Variants in PCDHA13 observed in about 807,000 individuals in gnomAD.
PCDHA13 encodes the protein protocadherin alpha 13.
In PCDHA13, 54 loss-of-function variants were observed where a neutral mutation model predicts 64.8. The observed-to-expected ratio is 0.83, with a 90% CI of 0.67 to 1.04. PCDHA13 has a LOEUF of 1.04. Ranked by LOEUF, PCDHA13 falls within the 50% of genes least tolerant of loss-of-function variation. The pLI is 0.00. For missense variants in PCDHA13, 1,248 were observed against 1,254.3 expected (o/e 0.99, Z 0.08); for synonymous variants, 587 against 564.4 (o/e 1.04, Z -0.57).
intron 3 of PCDHA13, among the ~76,000 whole-genome samples, chr5:140,990,426 G>A (rs3756324): frequency 0.3 from 46,292 of 152,022 alleles, 7,253 homozygotes; most frequent in East Asian, 0.43. Flanking sequence ...AACCAGCATT[G>A]ACCCAATCTT....
At chr5:140,885,543 G>A (rs1554182177) in intron 1 of PCDHA13, among the ~76,000 whole-genome samples, 2 of 152,092 alleles carry the variant, frequency 1.3e-5, no homozygotes, top group Non-Finnish European at 2.9e-5. Flanking sequence ...CAAAATATTG[G>A]TGTTATTTCT....
At chr5:140,963,531 TTTAC>T (rs1391697303) in intron 1 of PCDHA13, among the ~76,000 whole-genome samples, 2 of 152,218 alleles carry the variant, frequency 1.3e-5, no homozygotes, top group African/African-American at 4.8e-5. Flanking sequence ...AGAAGTCCCA[TTTAC>T]TTCATGATAT....
intron 1 of PCDHA13, chr5:140,929,202 G>T (rs2085922750): frequency 1.2e-6 from 2 of 1,613,984 alleles, no homozygotes; most frequent in African/African-American, 1.3e-5. Context: ...ACAGTTTGCT[G>T]TTGCGTGGGG....
In PCDHA13 at chr5:140,945,883, GAA is replaced by G. The variant is rs2093856247; in HGVS notation, c.2395-33063_2395-33062del. On this transcript the variant is annotated intron_variant, in intron 1 of 3. Transcript: ENST00000289272. ...GACCTGAAATTGTAAAACTAACAAA[GAA>G]AACACAGTGGGAAAGATGAAAGATC... Among the ~76,000 whole-genome samples the G allele has an allele frequency of 2.6e-5, 4 of 152,104 alleles. No homozygotes were observed. The South Asian group carries it at 8.3e-4, about 32-fold the overall frequency.
At chr5:140,907,229 A>C (rs1562959472) in intron 1 of PCDHA13, among the ~76,000 whole-genome samples, 1 of 152,180 alleles carries the variant, frequency 6.6e-6, no homozygotes, top group Non-Finnish European at 1.5e-5. Flanking sequence ...AAGTATTGTC[A>C]CCTAGTTGAC....
chr5:140,967,870 G>A (rs782622860), intron 1 of PCDHA13: 31 of 1,614,152 alleles, frequency 1.9e-5, no homozygotes, highest in Non-Finnish European at 2.5e-5. Flanking sequence ...TGGTGCTCAC[G>A]GACCTGTATA....
At chr5:140,887,539 C>T in intron 1 of PCDHA13, among the ~76,000 whole-genome samples, 1 of 152,082 alleles carries the variant, frequency 6.6e-6, no homozygotes, top group East Asian at 1.9e-4. Flanking sequence ...CCTCTCCCCA[C>T]CCCTCATGGT....
intron 1 of PCDHA13, among the ~76,000 whole-genome samples, chr5:140,890,753 C>A (rs1274674281): frequency 3.3e-5 from 5 of 152,114 alleles, no homozygotes; most frequent in Admixed American, 2.6e-4. Flanking sequence ...TTCTGTCATG[C>A]TTTAAAAATA....
chr5:140,986,897 T>A (rs534075146), intron 3 of PCDHA13, among the ~76,000 whole-genome samples: 13 of 152,086 alleles, frequency 8.5e-5, no homozygotes, highest in Non-Finnish European at 1.9e-4. Flanking sequence ...TTAGGCCCTA[T>A]CCTAGACTAA....
chr5:141,003,623 G>C (rs572368614), intron 3 of PCDHA13, among the ~76,000 whole-genome samples: 1 of 152,240 alleles, frequency 6.6e-6, no homozygotes, highest in East Asian at 1.9e-4. Flanking sequence ...CCAGAGGGCA[G>C]TTTTTAAAGT....
At chr5:140,929,555 C>A in intron 1 of PCDHA13, 1 of 485,752 alleles carries the variant, frequency 2.1e-6, no homozygotes, top group Non-Finnish European at 3.5e-6. Context: ...AAATTAAAAC[C>A]TATTTAAGAA....
chr5:140,921,941 A>G (rs1294349868), intron 1 of PCDHA13, among the ~76,000 whole-genome samples: 1 of 152,068 alleles, frequency 6.6e-6, no homozygotes, highest in Non-Finnish European at 1.5e-5. Context: ...ATAATTTTAC[A>G]CTTGTAAAAT....
chr5:140,926,215 C>T (rs2083014396), intron 1 of PCDHA13, among the ~76,000 whole-genome samples: 1 of 152,170 alleles, frequency 6.6e-6, no homozygotes, highest in Non-Finnish European at 1.5e-5. Flanking sequence ...CTCCTGTTTC[C>T]TTAAGCCTAG....
In PCDHA13 at chr5:140,882,793, C is replaced by A. The variant is rs1176435531; in HGVS notation, c.525C>A (p.Asn175Lys). 2.5e-6 allele frequency: 4 copies of A among 1,614,092 alleles called. No individual in the cohort carries two copies. In the Admixed American group the frequency reaches 6.7e-5, roughly 27 times the overall value. Residue 175 changes from asparagine (N) to lysine (K), a missense_variant, in exon 1 of 4, where the codon AAC (asparagine) becomes AAA (lysine). Coordinates refer to ENST00000289272, the MANE Select transcript of PCDHA13 (RefSeq NM_018904.3). ...CATTGACCTACCGACTGGATCCCAA[C>A]GATTATTTCACTTTGGACGCACAAA... is the stretch of plus-strand genomic sequence containing the variant. ...NSALTYRLDP[N>K]DYFTLDAQNS...
At chr5:140,969,178 C>G (rs2096303822) in intron 1 of PCDHA13, 1 of 1,613,978 alleles carries the variant, frequency 6.2e-7, no homozygotes, top group South Asian at 1.1e-5. Flanking sequence ...CAGGGAGTGA[C>G]ACTTTCATGT....
At chr5:140,979,564 A>G (rs1267870261) in intron 2 of PCDHA13, among the ~76,000 whole-genome samples, 2 of 152,222 alleles carry the variant, frequency 1.3e-5, no homozygotes, top group Non-Finnish European at 2.9e-5. Context: ...AAGATGAGCC[A>G]TGTAAAGGGC....
At chr5:140,943,688 G>A (rs2093547294) in intron 1 of PCDHA13, among the ~76,000 whole-genome samples, 1 of 152,170 alleles carries the variant, frequency 6.6e-6, no homozygotes. Context: ...AAGGGATAAG[G>A]TCAAAATATT....
At chr5:140,924,837 G>A (rs1310509638) in intron 1 of PCDHA13, among the ~76,000 whole-genome samples, 2 of 151,426 alleles carry the variant, frequency 1.3e-5, no homozygotes, top group African/African-American at 4.9e-5. Flanking sequence ...GGAGGTTGCA[G>A]GGAGCTCAGA....
chr5:140,949,313 A>G (rs989940621), intron 1 of PCDHA13, among the ~76,000 whole-genome samples: 1 of 151,952 alleles, frequency 6.6e-6, no homozygotes, highest in Non-Finnish European at 1.5e-5. Context: ...GTAATGATTT[A>G]TAAATATAAA....
Sources: gnomAD v4.1 joint callset for allele counts (sites outside exome capture counted in the v4.1 genomes callset) on GRCh38, gnomAD v4.1.1 for gene constraint, MANE v1.5 for transcripts, NCBI Gene and HGNC (gene_info 2026-07-23, HGNC 2026-07-21) for gene names.